SHROOM3: variants seen among roughly 807,000 people sequenced by gnomAD.
The protein encoded by SHROOM3 is shroom family member 3.
Under a neutral mutation model 138.6 loss-of-function variants are expected in SHROOM3, and 47 were observed. The ratio of observed to expected loss-of-function variants is 0.34; its 90% confidence interval spans 0.27 to 0.43. The LOEUF (loss-of-function observed/expected upper bound fraction) is 0.43, where lower values mean the gene tolerates loss of function less well. SHROOM3 is among the 20% of genes least tolerant of loss of function. The probability of loss-of-function intolerance (pLI) is 1.00; values close to 1 mark genes in which losing one functional copy is unlikely to be tolerated. For missense variants in SHROOM3, 2,491 were observed against 2,596.5 expected (o/e 0.96, Z 0.88); for synonymous variants, 1,062 against 1,063.3 (o/e 1.00, Z 0.02).
intron 2 of SHROOM3, among the ~76,000 whole-genome samples, chr4:76,630,512 T>C (rs762400284): frequency 5.9e-5 from 9 of 152,196 alleles, no homozygotes; most frequent in African/African-American, 9.7e-5. Context: ...GACCTGCCCT[T>C]TGAAGGGAGA....
At chr4:76,768,378 T>C (rs1722231703) in intron 9 of SHROOM3, among the ~76,000 whole-genome samples, 1 of 152,356 alleles carries the variant, frequency 6.6e-6, no homozygotes, top group East Asian at 1.9e-4. Context: ...GTAAATTTCA[T>C]AGCTTCCAGC....
At chr4:76,507,776 C>T (rs779671586) in intron 1 of SHROOM3, among the ~76,000 whole-genome samples, 2 of 151,876 alleles carry the variant, frequency 1.3e-5, no homozygotes, top group African/African-American at 2.4e-5. Flanking sequence ...GATCTCCTGA[C>T]CTCGTGATCT....
chr4:76,720,675 C>T (rs1480361056), intron 3 of SHROOM3, among the ~76,000 whole-genome samples: 7 of 148,620 alleles, frequency 4.7e-5, no homozygotes, highest in Non-Finnish European at 1.0e-4. Flanking sequence ...TGCAGTGGTG[C>T]AATCTCAGCT....
Position 76,741,510 on chromosome 4 carries a change from C to T in SHROOM3, c.3337C>T (p.Arg1113Cys). Reference sequence around the variant, plus strand: ...CAGCCTCCAGGAGCCCGGGCCACTGCGTGAGCGCGCCCAGAGTGCCTACCT... The same window carrying T: ...CAGCCTCCAGGAGCCCGGGCCACTGTGTGAGCGCGCCCAGAGTGCCTACCT... The part of the protein sequence containing the change: ...GCSLQEPGPL[R>C]ERAQSAYLQP... The change falls in exon 5 of 11, where the codon CGT becomes TGT. Residue 1113 changes from arginine to cysteine, a missense_variant. Coordinates refer to ENST00000296043, the MANE Select transcript of SHROOM3 (RefSeq NM_020859.4). This position sits in a 1 kb window ranked among gnomAD's most constrained non-coding sequence, Gnocchi z 6.2. The T allele has an allele frequency of 3.2e-6, 5 of 1,553,812 alleles. No homozygotes were observed. The highest frequency in any genetic ancestry group is 4.3e-6 in the Non-Finnish European group (5 of 1,155,390).
chr4:76,778,326 A>T (rs945003281), intron 10 of SHROOM3, among the ~76,000 whole-genome samples: 3 of 151,850 alleles, frequency 2.0e-5, no homozygotes, highest in African/African-American at 7.3e-5. Flanking sequence ...GGTTCAAGCA[A>T]TTCTCATGCC....
intron 2 of SHROOM3, among the ~76,000 whole-genome samples, chr4:76,653,200 G>C (rs1266249794): frequency 1.3e-5 from 2 of 152,046 alleles, no homozygotes; most frequent in African/African-American, 4.8e-5. Flanking sequence ...TAAGCGGTCA[G>C]GGTTAGGAAT....
At chr4:76,512,103 T>G (rs1732349718) in intron 1 of SHROOM3, among the ~76,000 whole-genome samples, 1 of 151,986 alleles carries the variant, frequency 6.6e-6, no homozygotes, top group Non-Finnish European at 1.5e-5. Flanking sequence ...GAAGTTGACC[T>G]AAGAGAGGCA....
intron 2 of SHROOM3, among the ~76,000 whole-genome samples, chr4:76,683,708 G>T (rs957978184): frequency 1.3e-5 from 2 of 152,122 alleles, no homozygotes; most frequent in African/African-American, 4.8e-5. Context: ...ATAGAAAAGG[G>T]TAGGCAGAAA....
At chr4:76,504,044 G>A (rs1579198942) in intron 1 of SHROOM3, among the ~76,000 whole-genome samples, 1 of 152,112 alleles carries the variant, frequency 6.6e-6, no homozygotes, top group Non-Finnish European at 1.5e-5. Context: ...GACCTGAACC[G>A]AAGAAGTGCC....
At chr4:76,462,697 T>TCTCC (rs1407226674) in intron 1 of SHROOM3, among the ~76,000 whole-genome samples, 2 of 147,780 alleles carry the variant, frequency 1.4e-5, no homozygotes, top group African/African-American at 2.5e-5. Flanking sequence ...TCCCTCTCTC[T>TCTCC]CTCCCTCTCC....
At chr4:76,546,567 A>G (rs1431798844) in intron 1 of SHROOM3, among the ~76,000 whole-genome samples, 1 of 152,250 alleles carries the variant, frequency 6.6e-6, no homozygotes, top group Non-Finnish European at 1.5e-5. Context: ...CAAAACCAAG[A>G]ATGCCCACTG....
At chr4:76,586,315 G>A in intron 2 of SHROOM3, 1 of 985,746 alleles carries the variant, frequency 1.0e-6, no homozygotes, top group Non-Finnish European at 1.2e-6. Flanking sequence ...TGGCTCCTGC[G>A]GATCCTTCCT....
intron 1 of SHROOM3, among the ~76,000 whole-genome samples, chr4:76,524,609 G>A (rs1004716805): frequency 3.9e-5 from 6 of 152,128 alleles, no homozygotes; most frequent in African/African-American, 1.4e-4. Flanking sequence ...ACCTGGATGG[G>A]GCATGTTAGG....
At chr4:76,748,325 T>C (rs1434290172) in intron 5 of SHROOM3, among the ~76,000 whole-genome samples, 10 of 152,188 alleles carry the variant, frequency 6.6e-5, no homozygotes, top group African/African-American at 2.4e-4. Context: ...CATAAATAAT[T>C]GGGAGTTTAA....
At chr4:76,545,214 C>T (rs1682669965) in intron 1 of SHROOM3, among the ~76,000 whole-genome samples, 1 of 152,002 alleles carries the variant, frequency 6.6e-6, no homozygotes, top group African/African-American at 2.4e-5. Context: ...TATCCCCAAA[C>T]TTGTTTTTTC....
chr4:76,539,381 A>T (rs1375987143), intron 1 of SHROOM3, among the ~76,000 whole-genome samples: 2 of 152,122 alleles, frequency 1.3e-5, no homozygotes, highest in African/African-American at 4.8e-5. Context: ...CAACTTCCAG[A>T]TTGGCATAGA....
At chr4:76,441,086 GTTTTTTTTTTT>G (rs374530154) in intron 1 of SHROOM3, among the ~76,000 whole-genome samples, 1 of 82,182 alleles carries the variant, frequency 1.2e-5, no homozygotes, top group East Asian at 4.6e-4. Context: ...AGTTCAATTT[GTTTTTTTTTTT>G]TTTTTTTTTT....
intron 3 of SHROOM3, among the ~76,000 whole-genome samples, chr4:76,729,500 A>T (rs1720811644): frequency 6.6e-6 from 1 of 152,210 alleles, no homozygotes; most frequent in African/African-American, 2.4e-5. Context: ...AAGGAGTTGA[A>T]GTATATGTTT....
intron 2 of SHROOM3, among the ~76,000 whole-genome samples, chr4:76,595,900 A>G (rs1024017408): frequency 5.9e-5 from 9 of 152,202 alleles, no homozygotes; most frequent in Non-Finnish European, 1.2e-4. Flanking sequence ...ATCTTTTTGT[A>G]CATGGAGTCT....
Sources: gnomAD v4.1 joint callset for allele counts (sites outside exome capture counted in the v4.1 genomes callset) on GRCh38, gnomAD v4.1.1 for gene constraint, Gnocchi (gnomAD v3.1) non-coding constraint, MANE v1.5 for transcripts, NCBI Gene and HGNC (gene_info 2026-07-23, HGNC 2026-07-21) for gene names.